The following PDE10A variants were observed in gnomAD, a reference collection of about 807,000 sequenced individuals.
PDE10A encodes phosphodiesterase 10A.
A neutral mutation model predicts 97.7 loss-of-function variants in PDE10A; 39 were observed. The observed-to-expected ratio is 0.40, with a 90% CI of 0.31 to 0.52. The LOEUF is 0.52. PDE10A is among the 20% of genes least tolerant of loss of function. The pLI is 0.56. For missense variants in PDE10A, 731 were observed against 1,047.8 expected (o/e 0.70, Z 4.17); for synonymous variants, 371 against 376.8 (o/e 0.98, Z 0.18).
chr6:165,489,271 G>T (rs559671225), intron 2 of PDE10A, among the ~76,000 whole-genome samples: 5 of 152,276 alleles, frequency 3.3e-5, no homozygotes, highest in African/African-American at 1.2e-4. Context: ...CACATCATGG[G>T]ACTCTCTGCA....
chr6:165,835,319 G>A (rs1025201117), intron 1 of PDE10A, among the ~76,000 whole-genome samples: 10 of 152,158 alleles, frequency 6.6e-5, no homozygotes, highest in African/African-American at 1.2e-4. Context: ...TCCTTTATAC[G>A]GATGGGCTTT....
At chr6:165,777,223 T>C (rs1351606309) in intron 1 of PDE10A, among the ~76,000 whole-genome samples, 1 of 151,982 alleles carries the variant, frequency 6.6e-6, no homozygotes, top group Admixed American at 6.6e-5. Flanking sequence ...GGATGGAAAG[T>C]GGATTTGAAG....
intron 1 of PDE10A, among the ~76,000 whole-genome samples, chr6:165,591,144 A>G (rs549072575): frequency 1.2e-4 from 19 of 152,306 alleles, no homozygotes; most frequent in African/African-American, 4.1e-4. Context: ...AAAGACAGGA[A>G]ATCAAAAGAT....
chr6:165,626,222 G>A lies in PDE10A; in HGVS notation c.865+35725C>T, dbSNP rs112119746. Among the ~76,000 whole-genome samples, 470 of 152,286 alleles carry A rather than the reference G, an allele frequency of 3.1e-3. 1 individual carries two copies. Among genetic ancestry groups the A allele is most frequent in the African/African-American group, 0.01 (420 of 41,554 alleles). ...AAAGTCTCTTAGATCAGGGAATCAC[G>A]CTCAGGAAACCACACAAAAGTCGAA... is the stretch of plus-strand genomic sequence containing the variant. On this transcript the variant is annotated intron_variant, in intron 1 of 21. Transcript: ENST00000539869.
At chr6:165,504,232 G>T (rs1480701994) in intron 2 of PDE10A, among the ~76,000 whole-genome samples, 1 of 151,924 alleles carries the variant, frequency 6.6e-6, no homozygotes, top group Non-Finnish European at 1.5e-5. Context: ...CCACTAAAGA[G>T]AGAAAAAAGG....
At chr6:165,987,385 C>T (rs1021810883) in intron 1 of PDE10A, 1 of 316,848 alleles carries the variant, frequency 3.2e-6, no homozygotes, top group Non-Finnish European at 6.1e-6. Flanking sequence ...ACCACACACG[C>T]GCACACGTTT....
At chr6:165,338,896 A>C (rs1414399365) in intron 20 of PDE10A, among the ~76,000 whole-genome samples, 1 of 152,166 alleles carries the variant, frequency 6.6e-6, no homozygotes, top group East Asian at 1.9e-4. Flanking sequence ...CTGAGCACTA[A>C]GTCCCTCCAG....
At chr6:165,384,644 G>A (rs796065651) in intron 17 of PDE10A, among the ~76,000 whole-genome samples, 1 of 63,060 alleles carries the variant, frequency 1.6e-5, no homozygotes, top group Non-Finnish European at 3.2e-5. Context: ...GTGTGTGTGT[G>A]TGTGTGTGTG....
At chr6:165,384,689 G>T (rs1785174138) in intron 17 of PDE10A, among the ~76,000 whole-genome samples, 1 of 140,778 alleles carries the variant, frequency 7.1e-6, no homozygotes, top group South Asian at 2.3e-4. Flanking sequence ...GGCGACTAAA[G>T]GTTAGCTTTT....
chr6:165,874,626 A>ATG (rs1293137614), intron 1 of PDE10A, among the ~76,000 whole-genome samples: 1 of 152,226 alleles, frequency 6.6e-6, no homozygotes, highest in Non-Finnish European at 1.5e-5. Context: ...GTTAAACAGT[A>ATG]TGTGTTTTCT....
chr6:165,748,197 T>C (rs1792887116), intron 1 of PDE10A, among the ~76,000 whole-genome samples: 1 of 152,230 alleles, frequency 6.6e-6, no homozygotes, highest in African/African-American at 2.4e-5. Flanking sequence ...ATACGAATGT[T>C]TTGGTCCCCA....
chr6:165,891,226 A>G (rs1015650615), intron 1 of PDE10A, among the ~76,000 whole-genome samples: 2 of 152,192 alleles, frequency 1.3e-5, no homozygotes, highest in African/African-American at 4.8e-5. Flanking sequence ...CATGTAAATG[A>G]TATCATTCTG....
rs190364161 is a variant in PDE10A, at chr6:165,536,195, G to A, written c.994+7245C>T. Among the ~76,000 whole-genome samples, 6 of 151,930 alleles carry A rather than the reference G, an allele frequency of 3.9e-5. No individual in the cohort carries two copies. In the East Asian group the frequency reaches 7.7e-4, roughly 20 times the overall value. On this transcript the variant is annotated intron_variant, in intron 2 of 21. Coordinates refer to ENST00000539869, the MANE Select transcript of PDE10A (RefSeq NM_001385079.1). ...TAGTCAACTCATTTTTGACAAGGAC[G>A]CCAAGAACATACAATGAGGAAAGGA...
At chr6:165,918,134 A>G (rs1026266795) in intron 1 of PDE10A, among the ~76,000 whole-genome samples, 1 of 152,302 alleles carries the variant, frequency 6.6e-6, no homozygotes, top group East Asian at 1.9e-4. Context: ...CAATGGTCTC[A>G]TGTGTAGAAT....
At chr6:165,741,480 A>G (rs1792719312) in intron 1 of PDE10A, among the ~76,000 whole-genome samples, 1 of 152,220 alleles carries the variant, frequency 6.6e-6, no homozygotes, top group Admixed American at 6.5e-5. Context: ...GATCTGGATC[A>G]TCCAAAACTG....
intron 1 of PDE10A, among the ~76,000 whole-genome samples, chr6:165,976,956 C>T (rs1282738525): frequency 4.6e-5 from 7 of 152,246 alleles, no homozygotes; most frequent in Admixed American, 3.9e-4. Flanking sequence ...TGTCAGCACA[C>T]ATCGAAGCAT....
intron 1 of PDE10A, among the ~76,000 whole-genome samples, chr6:165,902,436 G>T (rs1782139466): frequency 6.6e-6 from 1 of 152,210 alleles, no homozygotes; most frequent in African/African-American, 2.4e-5. Context: ...TTGGTGGGTT[G>T]CTTTTGGCAT....
intron 1 of PDE10A, among the ~76,000 whole-genome samples, chr6:165,753,517 T>G (rs1238849022): frequency 6.6e-6 from 1 of 152,240 alleles, no homozygotes; most frequent in African/African-American, 2.4e-5. Context: ...CTTTTTTCCC[T>G]AAGTCAGAAT....
At chr6:165,872,145 A>G (rs1781221559) in intron 1 of PDE10A, among the ~76,000 whole-genome samples, 1 of 152,168 alleles carries the variant, frequency 6.6e-6, no homozygotes, top group Non-Finnish European at 1.5e-5. Flanking sequence ...AACTTAGTAC[A>G]TGTTTCTGTT....
Sources: allele counts gnomAD v4.1 joint callset (sites outside exome capture counted in the v4.1 genomes callset), GRCh38; gene constraint gnomAD v4.1.1; transcripts MANE v1.5; gene names NCBI Gene and HGNC (gene_info 2026-07-23, HGNC 2026-07-21).